The following HPSE2 variants were observed in gnomAD, a reference collection of about 807,000 sequenced individuals.
HPSE2 encodes the protein inactive heparanase-2.
Under a neutral mutation model 60.5 loss-of-function variants are expected in HPSE2, and 38 were observed. The ratio of observed to expected loss-of-function variants is 0.63; its 90% CI spans 0.48 to 0.82. The LOEUF (loss-of-function observed/expected upper bound fraction) is 0.82, where lower values mean the gene tolerates loss of function less well. HPSE2 is among the 40% of genes least tolerant of loss of function. HPSE2 has a pLI of 0.00. For missense variants in HPSE2, 713 were observed against 740.4 expected, an observed-to-expected ratio of 0.96 and a Z score of 0.43; for synonymous variants, 295 against 293.2, an observed-to-expected ratio of 1.01 and a Z score of -0.06.
intron 9 of HPSE2, among the ~76,000 whole-genome samples, chr10:98,538,731 C>T (rs557533665): frequency 6.6e-6 from 1 of 152,250 alleles, no homozygotes; most frequent in African/African-American, 2.4e-5. Context: ...CTAGATCCTA[C>T]TTAATTAATG....
chr10:98,862,378 T>A (rs946978228), intron 3 of HPSE2, among the ~76,000 whole-genome samples: 1 of 152,202 alleles, frequency 6.6e-6, no homozygotes, highest in Non-Finnish European at 1.5e-5. Context: ...GAAAATTTCA[T>A]TTGAAGTCCT....
In HPSE2 at chr10:98,721,670, C is replaced by T. The variant is rs17110744; in HGVS notation, c.943G>A (p.Ala315Thr). The T allele has an allele frequency of 2.4e-3, 3,833 of 1,613,422 alleles. 53 individuals carry two copies. In the African/African-American group the frequency reaches 0.042, roughly 18 times the overall value. ...NIGRPRKNVI[A>T]LLDGFMKVAG... ...AATCTGACCTACCCATCTAGGAGGG[C>T]GATGACATTCTTCCTCGGCCGCCCA... The change falls in exon 5 of 12, where the codon GCC becomes ACC. Residue 315 changes from alanine to threonine, a missense_variant. Ala to Thr is a moderately conservative substitution (Grantham distance 58). Coordinates refer to ENST00000370552, the MANE Select transcript of HPSE2 (RefSeq NM_021828.5).
At chr10:98,490,452 C>T (rs1941605280) in intron 9 of HPSE2, among the ~76,000 whole-genome samples, 1 of 152,096 alleles carries the variant, frequency 6.6e-6, no homozygotes, top group African/African-American at 2.4e-5. Context: ...TAAGTGGAGT[C>T]GATCCACAGC....
At chr10:98,898,302 T>C (rs1953555768) in intron 3 of HPSE2, among the ~76,000 whole-genome samples, 2 of 152,164 alleles carry the variant, frequency 1.3e-5, no homozygotes, top group Non-Finnish European at 1.5e-5. Flanking sequence ...TCTTTATTTA[T>C]AATTGCCCCA....
the HPSE2 span, among the ~76,000 whole-genome samples, chr10:99,297,298 C>A: frequency 2.0e-5 from 3 of 152,088 alleles, no homozygotes; most frequent in Non-Finnish European, 4.4e-5. Context: ...TGAACCAAGC[C>A]CATGCAAGTT....
At chr10:98,606,740 A>G (rs920300340) in intron 9 of HPSE2, among the ~76,000 whole-genome samples, 1 of 152,240 alleles carries the variant, frequency 6.6e-6, no homozygotes, top group African/African-American at 2.4e-5. Flanking sequence ...AGTACATTTA[A>G]ATAAGAATTA....
At chr10:99,206,942 T>G (rs150420456) in intron 2 of HPSE2, among the ~76,000 whole-genome samples, 1 of 152,112 alleles carries the variant, frequency 6.6e-6, no homozygotes, top group African/African-American at 2.4e-5. Flanking sequence ...TTTTTAGGTA[T>G]AAGAGTTCAA....
chr10:99,285,403 C>A, the HPSE2 span, among the ~76,000 whole-genome samples: 4 of 147,928 alleles, frequency 2.7e-5, no homozygotes, highest in Non-Finnish European at 6.0e-5. Flanking sequence ...GCACTCCAGC[C>A]TGGGTAACAC....
intron 11 of HPSE2, among the ~76,000 whole-genome samples, chr10:98,470,832 A>C (rs1299957514): frequency 8.2e-6 from 1 of 122,612 alleles, no homozygotes; most frequent in East Asian, 2.3e-4. Context: ...ATGGACAGCT[A>C]CGCAGAGAGT....
At chr10:99,249,107 G>T in the HPSE2 span, among the ~76,000 whole-genome samples, 1 of 152,218 alleles carries the variant, frequency 6.6e-6, no homozygotes, top group Non-Finnish European at 1.5e-5. Flanking sequence ...CCCACACACA[G>T]AGTCCCCACT....
rs1348149112 is a variant in HPSE2 at position 98,937,197 on chromosome 10, C to T, written c.611-193141G>A. On this transcript the variant is annotated intron_variant, in intron 3 of 11. Coordinates refer to ENST00000370552, the MANE Select transcript of HPSE2 (RefSeq NM_021828.5). ...GATTTCTGCATTTCCATCTGAGGTA[C>T]CAGGTTCATCTCACTAGGGAGTGCC... Among the ~76,000 whole-genome samples the T allele has an allele frequency of 3.5e-5, 5 of 143,706 alleles. No homozygotes were observed. The East Asian group carries it at 7.9e-4, about 23-fold the overall frequency. The allele number at this position is 143,706 out of a possible 152,430, so 94.3% of individuals were successfully genotyped here.
At chr10:98,922,570 G>A (rs769674501) in intron 3 of HPSE2, among the ~76,000 whole-genome samples, 2 of 152,136 alleles carry the variant, frequency 1.3e-5, no homozygotes, top group Non-Finnish European at 2.9e-5. Flanking sequence ...TGAAGAACAT[G>A]GCCCTGTATA....
At chr10:98,837,951 T>C (rs1951829614) in intron 3 of HPSE2, among the ~76,000 whole-genome samples, 1 of 152,162 alleles carries the variant, frequency 6.6e-6, no homozygotes, top group African/African-American at 2.4e-5. Flanking sequence ...GATAAAATAC[T>C]AATGTAAGAG....
At chr10:99,128,223 C>T (rs550232706) in intron 3 of HPSE2, among the ~76,000 whole-genome samples, 1 of 152,052 alleles carries the variant, frequency 6.6e-6, no homozygotes, top group Non-Finnish European at 1.5e-5. Flanking sequence ...AAAAATCCAC[C>T]AAACTGGGAA....
intron 5 of HPSE2, among the ~76,000 whole-genome samples, chr10:98,717,394 T>G (rs1300992769): frequency 6.6e-6 from 1 of 152,130 alleles, no homozygotes; most frequent in Admixed American, 6.6e-5. Flanking sequence ...TGGCTAACTG[T>G]TTGGCACAAG....
intron 9 of HPSE2, among the ~76,000 whole-genome samples, chr10:98,528,593 C>A (rs1564942295): frequency 6.6e-6 from 1 of 152,072 alleles, no homozygotes; most frequent in African/African-American, 2.4e-5. Flanking sequence ...GAACAGACAC[C>A]CAATTAGTTA....
chr10:99,280,624 A>C, the HPSE2 span, among the ~76,000 whole-genome samples: 3 of 152,172 alleles, frequency 2.0e-5, no homozygotes, highest in African/African-American at 7.2e-5. Flanking sequence ...CTCTGACCAA[A>C]TTCGGGAATT....
chr10:98,515,257 A>T (rs1346310613), intron 9 of HPSE2, among the ~76,000 whole-genome samples: 3 of 152,048 alleles, frequency 2.0e-5, no homozygotes, highest in Non-Finnish European at 4.4e-5. Context: ...GTTGCCCTGG[A>T]TCCTACCCTT....
At chr10:98,796,315 G>T (rs1950778457) in intron 3 of HPSE2, among the ~76,000 whole-genome samples, 1 of 152,122 alleles carries the variant, frequency 6.6e-6, no homozygotes. Flanking sequence ...GTTAGTCCCA[G>T]GCCTGGCAGC....
Sources: gnomAD v4.1 joint callset for allele counts (sites outside exome capture counted in the v4.1 genomes callset) on GRCh38, gnomAD v4.1.1 for gene constraint, MANE v1.5 for transcripts, NCBI Gene and HGNC (gene_info 2026-07-23, HGNC 2026-07-21) for gene names.